The following RANGAP1 variants were observed in gnomAD, a reference collection of about 807,000 sequenced individuals.
RANGAP1 encodes ran GTPase-activating protein 1.
RANGAP1 carries 38 observed loss-of-function variants against 63.5 expected under a neutral mutation model. The observed-to-expected ratio is 0.60, with a 90% CI of 0.46 to 0.78. The LOEUF is 0.78. RANGAP1 is among the 30% of genes least tolerant of loss of function. The pLI is 0.00. For synonymous variants in RANGAP1, 329 were observed against 310.5 expected (o/e 1.06, Z -0.63); for missense variants, 630 against 740.3 (o/e 0.85, Z 1.73).
rs746639643 is a variant in RANGAP1 at position 41,256,210 on chromosome 22, C to A, written c.969G>T (p.Leu323=). 6.2e-7 allele frequency: 1 copy of A among 1,614,174 alleles called. No homozygotes were observed. The part of the protein sequence containing the change: ...VAEAMADKAE[L]EKLDLNGNTL... ...GACTACCATTCAGGTCCAGCTTCTC[C>A]AGCTCAGCTTTGTCTGCCATGGCCT... The change falls in exon 9 of 16, where the codon CTG becomes CTT. Residue 323 remains leucine (L), a synonymous_variant. Coordinates refer to ENST00000356244, the MANE Select transcript of RANGAP1 (RefSeq NM_002883.4).
chr22:41,247,374 C>A (rs1226333576), intron 15 of RANGAP1, among the ~76,000 whole-genome samples: 2 of 151,888 alleles, frequency 1.3e-5, no homozygotes, highest in African/African-American at 2.4e-5. Flanking sequence ...TTTCTTGAGA[C>A]AGGGCCTCTC....
chr22:41,254,196 T>G, intron 11 of RANGAP1, 112 bp downstream of exon 11: 2 of 1,144,988 alleles, frequency 1.7e-6, no homozygotes, highest in Admixed American at 2.4e-5. Context: ...CAAAAAAAAA[T>G]GTTTGTGGCT....
chr22:41,262,632 C>T (rs1183867312), intron 5 of RANGAP1, among the ~76,000 whole-genome samples: 1 of 152,250 alleles, frequency 6.6e-6, no homozygotes, highest in Non-Finnish European at 1.5e-5. Context: ...ACCTGCCTGA[C>T]TCCACGGTGG....
At position 41,256,273 on chromosome 22, in the gene RANGAP1, G is replaced by C; in HGVS notation, c.906C>G (p.Phe302Leu). Reference protein sequence around the residue: ...LPKLKELNLSFCEIKRDAALA... With the variant: ...LPKLKELNLSLCEIKRDAALA... Reference sequence around the variant, plus strand: ...GGGCAGCATCCCTCTTGATTTCACAGAATGACAAGTTCAGCTCCTGAAAAT... The same window carrying C: ...GGGCAGCATCCCTCTTGATTTCACACAATGACAAGTTCAGCTCCTGAAAAT... Residue 302 changes from phenylalanine to leucine, a missense_variant, in exon 9 of 16, where the codon TTC becomes TTG. By Grantham distance (22) the Phe-to-Leu change is conservative. This residue lies in a region of RANGAP1 where 428 missense variants were observed against 465.5 expected (regional missense o/e 0.92). Coordinates refer to ENST00000356244, the MANE Select transcript of RANGAP1 (RefSeq NM_002883.4). 1.9e-6 allele frequency: 3 copies of C among 1,614,118 alleles called. No individual in the cohort carries two copies. Among genetic ancestry groups the C allele is most frequent in the Non-Finnish European group, 2.5e-6 (3 of 1,180,024 alleles).
chr22:41,249,826 C>T lies in RANGAP1; in HGVS notation c.1484-9G>A. 6.2e-7 allele frequency: 1 copy of T among 1,610,798 alleles called. No homozygotes were observed. The highest frequency in any genetic ancestry group is 8.5e-7 in the Non-Finnish European group (1 of 1,177,010). On this transcript the variant is annotated splice_polypyrimidine_tract_variant and intron_variant, in intron 13 of 15. Transcript: ENST00000356244. Reference sequence around the variant, plus strand: ...CTTCTGCATCAGGGCATCTGTAGGGCAGAAGCAGCAGGGGCAGGCTGCTGG... The same window carrying T: ...CTTCTGCATCAGGGCATCTGTAGGGTAGAAGCAGCAGGGGCAGGCTGCTGG...
At chr22:41,287,773 G>C (rs1448372679), upstream of RANGAP1, among the ~76,000 whole-genome samples, 1 of 151,862 alleles carries the variant, frequency 6.6e-6, no homozygotes, top group Non-Finnish European at 1.5e-5. Context: ...GATCACCTGA[G>C]GTCAGGAGTT....
chr22:41,298,416 G>A, the RANGAP1 span, among the ~76,000 whole-genome samples: 1 of 152,180 alleles, frequency 6.6e-6, no homozygotes, highest in East Asian at 1.9e-4. Context: ...CCAGGTTCAA[G>A]CGATTCTCCT....
chr22:41,264,586 G>C lies in RANGAP1; in HGVS notation c.480+78C>G, dbSNP rs544621231. 3.9e-5 allele frequency: 58 copies of C among 1,469,058 alleles called. No individual in the cohort carries two copies. The African/African-American group carries it at 7.7e-4, about 19-fold the overall frequency. The allele number at this position is 1,469,058 out of a possible 1,614,324, so 91.0% of individuals were successfully genotyped here. On this transcript the variant is annotated intron_variant, in intron 5 of 15. Coordinates refer to ENST00000356244, the MANE Select transcript of RANGAP1 (RefSeq NM_002883.4). ...CGGCTGACCATCCCAGATGGTGGTG[G>C]CCAAGGGCCAGGGCACATATGTCAG...
chr22:41,268,093 T>C lies in RANGAP1; in HGVS notation c.300+4A>G. 6.5e-7 allele frequency: 1 copy of C among 1,548,308 alleles called. No homozygotes were observed. The highest frequency in any genetic ancestry group is 8.8e-7 in the Non-Finnish European group (1 of 1,141,714). ...TGGAGGGGAAGAGCGGCTAGTTCGC[T>C]TACCAGGGCTGGTGGGATCTCGGTC... On this transcript the variant is annotated splice_donor_region_variant and intron_variant, in intron 4 of 15. Coordinates refer to ENST00000356244, the MANE Select transcript of RANGAP1 (RefSeq NM_002883.4).
At position 41,254,262 on chromosome 22, in the gene RANGAP1, G is replaced by A. The variant is rs757928896; in HGVS notation, c.1260+46C>T. 80 of 1,609,150 alleles carry A rather than the reference G, an allele frequency of 5.0e-5. No homozygotes were observed. In the South Asian group the frequency reaches 5.4e-4, roughly 11 times the overall value. ...TTGTGAAAGTGCCTCGGGATTTCAC[G>A]TTCTCAGGACCAGGGCTCTGATTGT... On this transcript the variant is annotated intron_variant, in intron 11 of 15. Transcript: ENST00000356244.
chr22:41,298,897 G>A, the RANGAP1 span, among the ~76,000 whole-genome samples: 5 of 152,162 alleles, frequency 3.3e-5, no homozygotes, highest in Non-Finnish European at 7.3e-5. Context: ...TGATCTGGGG[G>A]CTGGAAGTCC....
chr22:41,260,781 C>T (rs1456757391), intron 6 of RANGAP1, among the ~76,000 whole-genome samples: 2 of 152,090 alleles, frequency 1.3e-5, no homozygotes, highest in Non-Finnish European at 2.9e-5. Context: ...GAGGCGGAGA[C>T]TGCAGTGAGC....
chr22:41,267,664 T>C (rs1340122237), intron 4 of RANGAP1, among the ~76,000 whole-genome samples: 1 of 151,828 alleles, frequency 6.6e-6, no homozygotes, highest in Non-Finnish European at 1.5e-5. Context: ...AAGCAGACAG[T>C]GGTACGGAGA....
In RANGAP1 at chr22:41,268,143, C is replaced by T. The variant is rs1376012009; in HGVS notation, c.254G>A (p.Ser85Asn). ...CCGCAGCCTTCCCGTGAACATGTCA[C>T]TCCAGTGGCAGCGCTGCAACGGAAA... ...KKSELKRCHW[S>N]DMFTGRLRTE... The change falls in exon 4 of 16, where the codon AGT (serine) becomes AAT (asparagine). Residue 85 changes from serine (S) to asparagine (N), a missense_variant. By Grantham distance (46) the Ser-to-Asn change is conservative (BLOSUM62 1). Transcript: ENST00000356244. 4 of 1,555,568 alleles carry T rather than the reference C, an allele frequency of 2.6e-6. No individual in the cohort carries two copies. In the African/African-American group the frequency reaches 4.1e-5, roughly 16 times the overall value.
the RANGAP1 span, among the ~76,000 whole-genome samples, chr22:41,293,596 G>A: frequency 6.6e-6 from 1 of 151,632 alleles, no homozygotes; most frequent in Admixed American, 6.6e-5. Context: ...GGCTCACACG[G>A]TGAAACCCCA....
At chr22:41,265,036 A>G (rs1057458812) in intron 4 of RANGAP1, among the ~76,000 whole-genome samples, 193 bp from the exon 5 acceptor site, 1 of 152,234 alleles carries the variant, frequency 6.6e-6, no homozygotes, top group Non-Finnish European at 1.5e-5. Flanking sequence ...AGAGTGGGGG[A>G]TGCGTATGCC....
At chr22:41,288,372 C>G (rs1254625750), upstream of RANGAP1, among the ~76,000 whole-genome samples, 1 of 152,306 alleles carries the variant, frequency 6.6e-6, no homozygotes, top group Non-Finnish European at 1.5e-5. Flanking sequence ...CCAGAGCAGA[C>G]GCTGTATCCA....
intron 2 of RANGAP1, among the ~76,000 whole-genome samples, chr22:41,280,429 T>C (rs1187901773): frequency 6.6e-6 from 1 of 152,224 alleles, no homozygotes; most frequent in African/African-American, 2.4e-5. Context: ...GTGGTTGCAA[T>C]ACCTGTATAC....
intron 5 of RANGAP1, among the ~76,000 whole-genome samples, chr22:41,263,241 G>A (rs1165062323): frequency 3.3e-5 from 5 of 152,206 alleles, no homozygotes; most frequent in Non-Finnish European, 5.9e-5. Flanking sequence ...CTGGGCAGGA[G>A]AAGGGAAGTA....
Sources: allele counts gnomAD v4.1 joint callset (sites outside exome capture counted in the v4.1 genomes callset), GRCh38; gene constraint gnomAD v4.1.1; regional missense constraint gnomAD v4.1.1; transcripts MANE v1.5; gene names NCBI Gene and HGNC (gene_info 2026-07-23, HGNC 2026-07-21).